The following KLF12 variants were observed in gnomAD, a reference collection of about 807,000 sequenced individuals.
KLF12 encodes KLF transcription factor 12.
Under a neutral mutation model 37.8 loss-of-function variants are expected in KLF12, and 9 were observed. The ratio of observed to expected loss-of-function variants is 0.24; its 90% CI spans 0.14 to 0.42. The LOEUF (loss-of-function observed/expected upper bound fraction) is 0.42, where lower values mean the gene tolerates loss of function less well. Ranked by LOEUF, KLF12 falls within the 10% of genes least tolerant of loss-of-function variation. The pLI, the probability that KLF12 is intolerant of heterozygous loss-of-function variation, is 1.00. For synonymous variants in KLF12, 208 were observed against 202.1 expected, an observed-to-expected ratio of 1.03 and a Z score of -0.25; for missense variants, 411 against 516.0, an observed-to-expected ratio of 0.80 and a Z score of 1.97.
intron 1 of KLF12, among the ~76,000 whole-genome samples, chr13:73,996,969 T>C (rs1381095297): frequency 1.3e-5 from 2 of 152,210 alleles, no homozygotes; most frequent in East Asian, 3.8e-4. Context: ...CAAACCCCTG[T>C]CTTAGTCCCA....
chr13:74,268,354 T>C, the KLF12 span, among the ~76,000 whole-genome samples: 1 of 152,214 alleles, frequency 6.6e-6, no homozygotes, highest in Non-Finnish European at 1.5e-5. Flanking sequence ...GGATTTGTTT[T>C]TTCTGCCTAT....
intron 2 of KLF12, chr13:73,962,039 CAT>C (rs906539072): frequency 2.4e-5 from 11 of 453,498 alleles, no homozygotes; most frequent in African/African-American, 2.2e-4. Flanking sequence ...TTTATAGCAG[CAT>C]TATTCATAAT....
intron 3 of KLF12, among the ~76,000 whole-genome samples, chr13:73,857,016 A>C (rs189790092): frequency 6.6e-6 from 1 of 152,144 alleles, no homozygotes; most frequent in East Asian, 1.9e-4. Context: ...AAATATAATA[A>C]ACTAAAATTA....
In KLF12 at chr13:73,716,078, A is replaced by G. The variant is rs558738696; in HGVS notation, c.870-553T>C. ...TGACAAGCTATTTCTGTTTGGTGAA[A>G]CGCACCTGACATTTAACTTTTCTAG... On this transcript the variant is annotated intron_variant, in intron 6 of 7. Transcript: ENST00000377669. 5.9e-5 allele frequency among the ~76,000 whole-genome samples: 9 copies of G among 152,270 alleles called. No individual in the cohort carries two copies. The East Asian group carries it at 1.7e-3, about 29-fold the overall frequency.
chr13:73,710,838 A>C (rs914865442), intron 7 of KLF12, among the ~76,000 whole-genome samples: 3 of 152,226 alleles, frequency 2.0e-5, no homozygotes, highest in African/African-American at 7.2e-5. Context: ...GCTATAAATG[A>C]TTATGCTTAG....
At chr13:73,833,141 A>G (rs1390057778) in intron 4 of KLF12, among the ~76,000 whole-genome samples, 1 of 152,228 alleles carries the variant, frequency 6.6e-6, no homozygotes, top group Non-Finnish European at 1.5e-5. Context: ...TAAGAAACTT[A>G]GCAGATTCTA....
chr13:73,736,393 T>C (rs1030590000), intron 6 of KLF12, among the ~76,000 whole-genome samples: 1 of 152,210 alleles, frequency 6.6e-6, no homozygotes. Flanking sequence ...ACATAATAAA[T>C]ATTTGATTCT....
At chr13:74,083,699 T>C (rs1875076725) in intron 1 of KLF12, among the ~76,000 whole-genome samples, 1 of 152,206 alleles carries the variant, frequency 6.6e-6, no homozygotes, top group South Asian at 2.1e-4. Context: ...AATATGAGCT[T>C]GACATGTTTT....
the KLF12 span, among the ~76,000 whole-genome samples, chr13:74,300,585 C>T: frequency 6.6e-6 from 1 of 152,140 alleles, no homozygotes; most frequent in African/African-American, 2.4e-5. Context: ...CTTGCCACTG[C>T]TTCCTAAATA....
At chr13:74,233,708 G>A in the KLF12 span, among the ~76,000 whole-genome samples, 8 of 152,102 alleles carry the variant, frequency 5.3e-5, no homozygotes, top group Non-Finnish European at 1.0e-4. Context: ...TAGAATTAAA[G>A]AGCAGAGGGT....
At position 74,071,597 on chromosome 13, in the gene KLF12, G is replaced by A. The variant is rs1256267101; in HGVS notation, c.-32+62142C>T. Reference sequence around the variant, plus strand: ...AGTCCCAGCTACTCGGGAGGCTGAGGCAGGAGAATGGCGTGAACTCGGGAG... The same window carrying A: ...AGTCCCAGCTACTCGGGAGGCTGAGACAGGAGAATGGCGTGAACTCGGGAG... On this transcript the variant is annotated intron_variant, in intron 1 of 7. Transcript: ENST00000377669. Among the ~76,000 whole-genome samples, 11 of 152,276 alleles carry A rather than the reference G, an allele frequency of 7.2e-5. No individual in the cohort carries two copies. The East Asian group carries it at 1.4e-3, about 19-fold the overall frequency.
At chr13:73,974,098 G>A (rs907124679) in intron 2 of KLF12, among the ~76,000 whole-genome samples, 29 of 151,970 alleles carry the variant, frequency 1.9e-4, no homozygotes, top group Non-Finnish European at 3.7e-4. Context: ...CTTTTTTAAT[G>A]GAGAAAAGAT....
chr13:73,730,227 C>G (rs975982478), intron 6 of KLF12, among the ~76,000 whole-genome samples: 3 of 152,200 alleles, frequency 2.0e-5, no homozygotes, highest in Non-Finnish European at 4.4e-5. Flanking sequence ...CACCCAGCCT[C>G]AGGCTCTTTG....
chr13:73,935,447 A>G (rs149140032), intron 3 of KLF12, among the ~76,000 whole-genome samples: 2 of 151,982 alleles, frequency 1.3e-5, no homozygotes, highest in Non-Finnish European at 2.9e-5. Context: ...TGCGACCTCC[A>G]ATGTTAGAGG....
At chr13:74,305,818 T>C in the KLF12 span, among the ~76,000 whole-genome samples, 41 of 152,140 alleles carry the variant, frequency 2.7e-4, no homozygotes, top group African/African-American at 9.6e-4. Flanking sequence ...AGAGGAAAAT[T>C]GACTCTAAGA....
chr13:73,746,532 T>C (rs534428134), intron 6 of KLF12, among the ~76,000 whole-genome samples: 3 of 152,094 alleles, frequency 2.0e-5, no homozygotes, highest in African/African-American at 7.2e-5. Flanking sequence ...CTCCTTTAGA[T>C]ACCTTTATAT....
chr13:73,941,818 A>G (rs1197651675), intron 3 of KLF12, among the ~76,000 whole-genome samples: 2 of 152,150 alleles, frequency 1.3e-5, no homozygotes, highest in African/African-American at 4.8e-5. Context: ...TATCTGTCAT[A>G]TATTTAAGAG....
intron 5 of KLF12, among the ~76,000 whole-genome samples, chr13:73,777,572 G>T (rs1421997849): frequency 6.6e-6 from 1 of 152,068 alleles, no homozygotes; most frequent in East Asian, 1.9e-4. Flanking sequence ...GCCGGGCGCG[G>T]TGGCACATGC....
chr13:74,094,891 C>T (rs1006097793), intron 1 of KLF12, among the ~76,000 whole-genome samples: 3 of 152,122 alleles, frequency 2.0e-5, no homozygotes, highest in Admixed American at 6.5e-5. Flanking sequence ...TGAGCCACCA[C>T]GCCTGGCCTC....
Sources: allele counts gnomAD v4.1 joint callset (sites outside exome capture counted in the v4.1 genomes callset), GRCh38; gene constraint gnomAD v4.1.1; transcripts MANE v1.5; gene names NCBI Gene and HGNC (gene_info 2026-07-23, HGNC 2026-07-21).